The following ANO1 variants were observed in gnomAD, a reference collection of about 807,000 sequenced individuals.
ANO1 encodes the protein anoctamin 1, also known as anoctamin-1.
Under a neutral mutation model 124.0 loss-of-function variants are expected in ANO1, and 59 were observed. That is an observed-to-expected ratio of 0.48 (90% CI 0.39 to 0.59). The LOEUF (loss-of-function observed/expected upper bound fraction) is 0.59, where lower values mean the gene tolerates loss of function less well. Among genes scored for constraint, ANO1 ranks in the 20% least tolerant of loss-of-function variants. The probability of loss-of-function intolerance (pLI) is 0.00; values close to 1 mark genes in which losing one functional copy is unlikely to be tolerated. For synonymous variants in ANO1, 529 were observed against 532.0 expected (o/e 0.99, Z 0.08); for missense variants, 1,059 against 1,328.0 (o/e 0.80, Z 3.15).
At chr11:70,042,804 G>C (rs1857204100) in intron 1 of ANO1, among the ~76,000 whole-genome samples, 1 of 152,198 alleles carries the variant, frequency 6.6e-6, no homozygotes, top group South Asian at 2.1e-4. Context: ...AGGCTTCTCT[G>C]TATCTGCCCT....
At chr11:70,162,833 A>C (rs2048110391) in intron 18 of ANO1, among the ~76,000 whole-genome samples, 1 of 152,224 alleles carries the variant, frequency 6.6e-6, no homozygotes, top group Admixed American at 6.5e-5. Context: ...GAGGTTGTCT[A>C]TCCCCACCCA....
At chr11:70,026,826 GC>G (rs1332470275) in intron 1 of ANO1, among the ~76,000 whole-genome samples, 6 of 152,134 alleles carry the variant, frequency 3.9e-5, no homozygotes, top group Non-Finnish European at 7.3e-5. Context: ...CTGCCACTGT[GC>G]TGACCTCACA....
the ANO1 span, among the ~76,000 whole-genome samples, chr11:69,977,108 C>T: frequency 6.6e-6 from 1 of 152,222 alleles, no homozygotes; most frequent in African/African-American, 2.4e-5. Flanking sequence ...GGCGGCCAAC[C>T]AGCTTGCCAG....
intron 24 of ANO1, among the ~76,000 whole-genome samples, chr11:70,183,144 A>G (rs1384458832): frequency 6.6e-6 from 1 of 152,158 alleles, no homozygotes; most frequent in South Asian, 2.1e-4. Context: ...GGAGGAAATT[A>G]GAGGTGATTT....
intron 24 of ANO1, among the ~76,000 whole-genome samples, chr11:70,185,024 G>A (rs1216055633): frequency 6.6e-6 from 1 of 152,174 alleles, no homozygotes; most frequent in African/African-American, 2.4e-5. Flanking sequence ...ACCACACCTG[G>A]CTAATAAAGT....
intron 12 of ANO1, 93 bp from the exon 13 acceptor site, chr11:70,152,357 A>AAAT: frequency 6.5e-6 from 6 of 922,360 alleles, no homozygotes; most frequent in Non-Finnish European, 9.8e-6. Flanking sequence ...AAAAAAAAAA[A>AAAT]GTTGTCCTTA....
intron 16 of ANO1, among the ~76,000 whole-genome samples, chr11:70,158,359 C>T (rs1049088470): frequency 3.9e-5 from 6 of 152,150 alleles, no homozygotes; most frequent in Admixed American, 3.9e-4. Context: ...GGCAGCGCCT[C>T]CTGTGGCCAC....
rs547324842 is a variant in ANO1, at chr11:70,065,576, C to T, written c.59-12966C>T. 9.9e-4 allele frequency among the ~76,000 whole-genome samples: 150 copies of T among 151,652 alleles called. No homozygotes were observed. In the Middle Eastern group the frequency reaches 0.014, roughly 14 times the overall value. On this transcript the variant is annotated intron_variant, in intron 1 of 27. Coordinates refer to the ANO1 transcript ENST00000531349. The stretch of plus-strand genomic sequence containing the variant: ...CAACTTCCTCTCTGCCCTTGTCCCC[C>T]GTCGTCCCTCTAGTTGGCCTGGCCC...
At chr11:70,095,652 T>C (rs1378161973) in intron 2 of ANO1, among the ~76,000 whole-genome samples, 5 of 152,202 alleles carry the variant, frequency 3.3e-5, no homozygotes, top group Admixed American at 6.5e-5. Flanking sequence ...AAGCTGGTTG[T>C]TACCCGTTGC....
chr11:70,101,354 C>T (rs745839375), intron 2 of ANO1, among the ~76,000 whole-genome samples: 9 of 151,520 alleles, frequency 5.9e-5, no homozygotes, highest in Non-Finnish European at 1.3e-4. Flanking sequence ...TCAGGAGTTC[C>T]AGACCAGCCT....
chr11:70,114,533 A>G (rs1210021838), intron 7 of ANO1, among the ~76,000 whole-genome samples: 5 of 152,156 alleles, frequency 3.3e-5, no homozygotes, highest in Non-Finnish European at 7.3e-5. Context: ...CTTCCTCCCC[A>G]TGAAGCTGTC....
chr11:70,060,701 C>T (rs1468254488), intron 1 of ANO1, among the ~76,000 whole-genome samples: 2 of 152,170 alleles, frequency 1.3e-5, no homozygotes, highest in African/African-American at 4.8e-5. Context: ...AGTATTAAAG[C>T]GGCAGCTGCC....
chr11:69,989,067 G>A (rs1856104216), intron 1 of ANO1, among the ~76,000 whole-genome samples: 1 of 152,148 alleles, frequency 6.6e-6, no homozygotes, highest in African/African-American at 2.4e-5. Context: ...GTGACTGCGT[G>A]CCAGTCACCC....
At chr11:70,002,337 G>A (rs1362898836) in intron 1 of ANO1, among the ~76,000 whole-genome samples, 2 of 151,556 alleles carry the variant, frequency 1.3e-5, no homozygotes, top group Non-Finnish European at 2.9e-5. Flanking sequence ...GGTGGCATGT[G>A]CCTGTAGTCC....
At chr11:70,177,464 C>G (rs1024067962) in intron 22 of ANO1, among the ~76,000 whole-genome samples, 3 of 152,160 alleles carry the variant, frequency 2.0e-5, no homozygotes, top group African/African-American at 2.4e-5. Context: ...GCACAGACAG[C>G]AGAGCTGCGG....
intron 1 of ANO1, among the ~76,000 whole-genome samples, chr11:69,988,733 C>T (rs1333700892): frequency 6.6e-6 from 1 of 152,192 alleles, no homozygotes; most frequent in African/African-American, 2.4e-5. Context: ...GTCTGAACCT[C>T]CCACAAGGGC....
At chr11:70,146,351 G>T (rs955705614) in intron 11 of ANO1, among the ~76,000 whole-genome samples, 4 of 152,152 alleles carry the variant, frequency 2.6e-5, no homozygotes, top group African/African-American at 9.7e-5. Flanking sequence ...ACTGATATGT[G>T]TAAAATGCTA....
Position 70,078,493 on chromosome 11 carries a change from G to A in ANO1, c.-114G>A, listed in dbSNP as rs2044097137. 2.5e-6 allele frequency: 1 copy of A among 394,228 alleles called. No individual in the cohort carries two copies. The highest frequency in any genetic ancestry group is 3.6e-6 in the Non-Finnish European group (1 of 278,412). 24.4% of individuals were successfully genotyped at this position (394,228 alleles called of 1,614,324 possible). On this transcript the variant is annotated 5_prime_UTR_variant, in exon 1 of 26. Transcript: ENST00000355303. ...CCCCGGCGGGCCTGGGCGCGGGGAGGCCCGGCCCCCTGCGAGCGCGCCGCG... is the reference window on the plus strand; with the variant it reads ...CCCCGGCGGGCCTGGGCGCGGGGAGACCCGGCCCCCTGCGAGCGCGCCGCG...
At chr11:70,074,988 C>T (rs1041589587), upstream of ANO1, 2 of 152,282 alleles carry the variant, frequency 1.3e-5, no homozygotes, top group Non-Finnish European at 2.9e-5. Flanking sequence ...AAGGGAGACA[C>T]TTCAGCCTCA....
Sources: gnomAD v4.1 joint callset for allele counts (sites outside exome capture counted in the v4.1 genomes callset) on GRCh38, gnomAD v4.1.1 for gene constraint, MANE v1.5 for transcripts, NCBI Gene and HGNC (gene_info 2026-07-23, HGNC 2026-07-21) for gene names.